The following DIS3L2 variants were observed in gnomAD, a reference collection of about 807,000 sequenced individuals.
DIS3L2 encodes the protein DIS3-like exonuclease 2.
Under a neutral mutation model 97.5 loss-of-function variants are expected in DIS3L2, and 34 were observed. The observed-to-expected ratio is 0.35, with a 90% CI of 0.27 to 0.46. DIS3L2 has a LOEUF of 0.46. Ranked by LOEUF, DIS3L2 falls within the 20% of genes least tolerant of loss-of-function variation. The probability of loss-of-function intolerance (pLI) is 1.00; values close to 1 mark genes in which losing one functional copy is unlikely to be tolerated. For missense variants in DIS3L2, 1,038 were observed against 1,146.0 expected, an observed-to-expected ratio of 0.91 and a Z score of 1.36; for synonymous variants, 435 against 445.2, an observed-to-expected ratio of 0.98 and a Z score of 0.29.
chr2:232,336,967 G>A lies in DIS3L2; in HGVS notation c.*337G>A, dbSNP rs1695978458. ...TCAGTGTCACAGAATAAAATCAAGT[G>A]TGGAGTGCCATCTGGTGTGTAGGGC... is the stretch of plus-strand genomic sequence containing the variant. On this transcript the variant is annotated 3_prime_UTR_variant, in exon 21 of 21. Transcript: ENST00000325385. 1 of 1,158,566 alleles carries A rather than the reference G, an allele frequency of 8.6e-7. No homozygotes were observed. Among genetic ancestry groups the A allele is most frequent in the Non-Finnish European group, 1.1e-6 (1 of 934,186 alleles). The allele number at this position is 1,158,566 out of a possible 1,614,324, so 71.8% of individuals were successfully genotyped here.
intron 9 of DIS3L2, among the ~76,000 whole-genome samples, chr2:232,209,736 T>G (rs1363682376): frequency 1.3e-5 from 2 of 152,170 alleles, no homozygotes; most frequent in Non-Finnish European, 2.9e-5. Context: ...TCTGGGAGTT[T>G]CACAGGGTAA....
chr2:232,086,634 T>TATATATGTGTATATATATATACACAC (rs1559613405), intron 5 of DIS3L2, among the ~76,000 whole-genome samples: 1 of 63,792 alleles, frequency 1.6e-5, no homozygotes, highest in African/African-American at 6.6e-5. Context: ...TATATACACA[T>TATATATGTGTATATATATATACACAC]ATATATATAT....
At chr2:232,253,757 TAGC>T (rs1461860932) in intron 12 of DIS3L2, among the ~76,000 whole-genome samples, 1 of 152,090 alleles carries the variant, frequency 6.6e-6, no homozygotes, top group Non-Finnish European at 1.5e-5. Flanking sequence ...AATCAGGAAG[TAGC>T]AGACAGGTTA....
intron 14 of DIS3L2, among the ~76,000 whole-genome samples, chr2:232,303,304 A>G (rs1368043659): frequency 6.6e-6 from 1 of 151,004 alleles, no homozygotes; most frequent in Non-Finnish European, 1.5e-5. Flanking sequence ...GTTTCCATTT[A>G]GGGTCATTTT....
intron 5 of DIS3L2, among the ~76,000 whole-genome samples, chr2:232,051,530 C>T (rs1056907467): frequency 1.1e-4 from 16 of 152,170 alleles, no homozygotes; most frequent in Middle Eastern, 3.4e-3. Context: ...GAACTAGCTT[C>T]GGCTGGGCGC....
intron 6 of DIS3L2, among the ~76,000 whole-genome samples, chr2:232,124,079 A>G (rs909738983): frequency 3.9e-5 from 6 of 152,226 alleles, no homozygotes; most frequent in Non-Finnish European, 8.8e-5. Context: ...TACTTCAAAG[A>G]CAAGAACCAT....
intron 1 of DIS3L2, among the ~76,000 whole-genome samples, chr2:232,012,335 T>A (rs1694224372): frequency 6.6e-6 from 1 of 152,176 alleles, no homozygotes; most frequent in Admixed American, 6.5e-5. Flanking sequence ...TCACACAAAC[T>A]GGGATAACTG....
rs570368121 is a variant in DIS3L2, at chr2:232,181,445, T to A, written c.1124+17813T>A. On this transcript the variant is annotated intron_variant, in intron 9 of 20. Coordinates refer to ENST00000325385, the MANE Select transcript of DIS3L2 (RefSeq NM_152383.5). Reference sequence around the variant, plus strand: ...TCCATTCTCCCCATCACTTTCAGAGTGACACCAATGAGACGTAGATTTGGT... The same window carrying A: ...TCCATTCTCCCCATCACTTTCAGAGAGACACCAATGAGACGTAGATTTGGT... 5.9e-5 allele frequency among the ~76,000 whole-genome samples: 9 copies of A among 152,258 alleles called. No homozygotes were observed. The South Asian group carries it at 1.9e-3, about 32-fold the overall frequency.
intron 3 of DIS3L2, among the ~76,000 whole-genome samples, chr2:232,016,921 TCTCCCTCCCTCCCTCC>T (rs1159539698): frequency 2.3e-5 from 2 of 88,624 alleles, no homozygotes; most frequent in East Asian, 3.7e-4. Flanking sequence ...TCCCTCCCTC[TCTCCCTCCCTCCCTCC>T]CTCCCTTCCT....
At chr2:232,174,664 T>C (rs1691098383) in intron 9 of DIS3L2, among the ~76,000 whole-genome samples, 1 of 152,020 alleles carries the variant, frequency 6.6e-6, no homozygotes, top group African/African-American at 2.4e-5. Flanking sequence ...TAGAAGTTCA[T>C]GTCATCTGCA....
At chr2:232,338,842 G>A (rs114409706), downstream of DIS3L2, among the ~76,000 whole-genome samples, 1,962 of 152,318 alleles carry the variant, frequency 0.013, 5 homozygotes, top group African/African-American at 0.044. Flanking sequence ...ACCAGGCACC[G>A]ACCCTCATCT....
intron 7 of DIS3L2, among the ~76,000 whole-genome samples, chr2:232,133,706 C>T (rs1171835304): frequency 2.6e-5 from 4 of 151,938 alleles, no homozygotes; most frequent in Admixed American, 6.6e-5. Flanking sequence ...ATAAAAAGGC[C>T]GGGCACAGTG....
intron 1 of DIS3L2, among the ~76,000 whole-genome samples, chr2:231,989,021 T>C (rs1014996088): frequency 2.6e-5 from 4 of 152,228 alleles, no homozygotes; most frequent in African/African-American, 9.6e-5. Flanking sequence ...GCCACGTGGA[T>C]GAGCTTTGCA....
chr2:232,120,353 G>A (rs989325995), intron 6 of DIS3L2, among the ~76,000 whole-genome samples: 1 of 152,102 alleles, frequency 6.6e-6, no homozygotes, highest in African/African-American at 2.4e-5. Flanking sequence ...AGCCACTTCC[G>A]AGCTGGTCAC....
chr2:231,989,850 A>G (rs757562169), intron 1 of DIS3L2, among the ~76,000 whole-genome samples: 5 of 152,130 alleles, frequency 3.3e-5, no homozygotes, highest in Non-Finnish European at 7.4e-5. Flanking sequence ...CTCAAACAAC[A>G]ACAACAACAA....
At chr2:232,148,084 T>C (rs1164990921) in intron 8 of DIS3L2, among the ~76,000 whole-genome samples, 2 of 133,724 alleles carry the variant, frequency 1.5e-5, no homozygotes, top group Non-Finnish European at 3.2e-5. Context: ...GGAGTCTCAC[T>C]GTGTCGCCAG....
chr2:232,240,076 G>A (rs1161515702), intron 11 of DIS3L2, among the ~76,000 whole-genome samples: 1 of 152,214 alleles, frequency 6.6e-6, no homozygotes, highest in Non-Finnish European at 1.5e-5. Context: ...TACAAAGGGA[G>A]CTAGCCTAGA....
chr2:231,979,765 A>T (rs1693199009), intron 1 of DIS3L2, among the ~76,000 whole-genome samples: 1 of 151,962 alleles, frequency 6.6e-6, no homozygotes, highest in African/African-American at 2.4e-5. Context: ...TTTAGAAGAG[A>T]TGGAGTTTCA....
At chr2:232,127,202 A>G (rs1477682730) in intron 6 of DIS3L2, among the ~76,000 whole-genome samples, 7 of 152,168 alleles carry the variant, frequency 4.6e-5, no homozygotes, top group Admixed American at 4.6e-4. Context: ...TCTGAGTTCC[A>G]GACCTTCATT....
Sources: gnomAD v4.1 joint callset for allele counts (sites outside exome capture counted in the v4.1 genomes callset) on GRCh38, gnomAD v4.1.1 for gene constraint, MANE v1.5 for transcripts, NCBI Gene and HGNC (gene_info 2026-07-23, HGNC 2026-07-21) for gene names.